Variants in CA8 observed in about 807,000 individuals in gnomAD.
CA8 encodes carbonic anhydrase-related protein.
A neutral mutation model predicts 41.4 loss-of-function variants in CA8; 22 were observed. The ratio of observed to expected loss-of-function variants is 0.53; its 90% CI spans 0.38 to 0.76. The LOEUF (loss-of-function observed/expected upper bound fraction) is 0.76. Ranked by LOEUF, CA8 falls within the 30% of genes least tolerant of loss-of-function variation. CA8 has a pLI of 0.00. For missense variants in CA8, 270 were observed against 352.8 expected (o/e 0.77, Z 1.88); for synonymous variants, 121 against 130.6 (o/e 0.93, Z 0.50).
intron 8 of CA8, 131 bp downstream of exon 8, chr8:60,208,619 G>T: frequency 1.3e-6 from 1 of 771,866 alleles, no homozygotes; most frequent in Non-Finnish European, 2.2e-6. Context: ...TCAAGAATGT[G>T]TCATAAATTT....
Position 60,188,850 on chromosome 8 carries a change from C to G in CA8, c.*1171G>C, listed in dbSNP as rs1418174119. ...CCATTATTACCGTCTCTACTCAACA[C>G]ATCTAAAAACTCTGAACATATACTT... On this transcript the variant is annotated 3_prime_UTR_variant, in exon 9 of 9. Transcript: ENST00000317995. 6.6e-6 allele frequency: 1 copy of G among 152,184 alleles called. No individual in the cohort carries two copies. The highest frequency in any genetic ancestry group is 2.4e-5 in the African/African-American group (1 of 41,442). The allele number at this position is 152,184 out of a possible 1,614,324, so 9.4% of individuals were successfully genotyped here. A position where few individuals can be genotyped will look rare whatever the true frequency, so the allele number is the denominator to read the frequency against.
At chr8:60,245,840 C>A (rs1808212685) in intron 3 of CA8, among the ~76,000 whole-genome samples, 1 of 152,192 alleles carries the variant, frequency 6.6e-6, no homozygotes. Flanking sequence ...GGAAATTTTA[C>A]CTGTGTTTAC....
At chr8:60,247,409 G>A (rs756319966) in intron 3 of CA8, among the ~76,000 whole-genome samples, 38 of 152,012 alleles carry the variant, frequency 2.5e-4, no homozygotes, top group Middle Eastern at 3.4e-3. Flanking sequence ...CTCCCCTTCC[G>A]CTCCACCCCC....
At chr8:60,236,008 G>A (rs1341948516) in intron 3 of CA8, among the ~76,000 whole-genome samples, 1 of 152,168 alleles carries the variant, frequency 6.6e-6, no homozygotes, top group Non-Finnish European at 1.5e-5. Context: ...AACTATGACA[G>A]GAGTGCAGGA....
intron 3 of CA8, among the ~76,000 whole-genome samples, chr8:60,262,196 A>G (rs1233067993): frequency 1.3e-5 from 2 of 152,188 alleles, no homozygotes. Context: ...ACACACATAG[A>G]ATATACAGCC....
intron 8 of CA8, among the ~76,000 whole-genome samples, chr8:60,206,849 C>T (rs1242797654): frequency 1.3e-5 from 2 of 152,136 alleles, no homozygotes; most frequent in African/African-American, 4.8e-5. Context: ...GCTCCAGCTC[C>T]TCCCAGAAGC....
chr8:60,254,837 C>G (rs1381201857), intron 3 of CA8, among the ~76,000 whole-genome samples: 1 of 152,162 alleles, frequency 6.6e-6, no homozygotes, highest in African/African-American at 2.4e-5. Context: ...GTTTACCAAA[C>G]CCTACTGCTA....
intron 3 of CA8, among the ~76,000 whole-genome samples, chr8:60,236,837 G>T (rs1369540631): frequency 6.6e-6 from 1 of 152,124 alleles, no homozygotes; most frequent in Non-Finnish European, 1.5e-5. Flanking sequence ...TTGTTCTAAT[G>T]CAGTGGTTAA....
At chr8:60,243,374 C>G (rs1808109199) in intron 3 of CA8, among the ~76,000 whole-genome samples, 1 of 151,572 alleles carries the variant, frequency 6.6e-6, no homozygotes, top group Non-Finnish European at 1.5e-5. Context: ...CCTTTAACCT[C>G]TCTCCCCTTA....
intron 4 of CA8, among the ~76,000 whole-genome samples, chr8:60,230,673 C>G (rs1348643742): frequency 6.6e-6 from 1 of 151,976 alleles, no homozygotes; most frequent in African/African-American, 2.4e-5. Flanking sequence ...AATTTGCACA[C>G]AGATAACCTG....
intron 3 of CA8, among the ~76,000 whole-genome samples, chr8:60,262,602 C>T (rs1168380721): frequency 6.6e-6 from 1 of 152,200 alleles, no homozygotes; most frequent in African/African-American, 2.4e-5. Context: ...AATATAGTCC[C>T]AGCTACTCAG....
At chr8:60,223,395 C>T (rs1339006835) in intron 6 of CA8, among the ~76,000 whole-genome samples, 3 of 152,168 alleles carry the variant, frequency 2.0e-5, no homozygotes, top group South Asian at 4.1e-4. Context: ...TGGGCTCAAG[C>T]GATCATCTCA....
intron 8 of CA8, among the ~76,000 whole-genome samples, chr8:60,201,190 G>GT (rs1281588004): frequency 6.6e-6 from 1 of 152,180 alleles, no homozygotes. Flanking sequence ...ATTCAATATT[G>GT]TATATGTTGA....
At chr8:60,260,361 T>C (rs951285493) in intron 3 of CA8, among the ~76,000 whole-genome samples, 1 of 152,162 alleles carries the variant, frequency 6.6e-6, no homozygotes, top group Non-Finnish European at 1.5e-5. Context: ...CCACTCTAAC[T>C]TCACAGCCTG....
At chr8:60,271,504 T>C (rs1025708121) in intron 2 of CA8, among the ~76,000 whole-genome samples, 5 of 152,200 alleles carry the variant, frequency 3.3e-5, no homozygotes, top group Admixed American at 1.3e-4. Context: ...AGAAACACTG[T>C]TAAAAAGTTG....
At chr8:60,257,293 C>G (rs1808673454) in intron 3 of CA8, among the ~76,000 whole-genome samples, 1 of 152,136 alleles carries the variant, frequency 6.6e-6, no homozygotes, top group African/African-American at 2.4e-5. Flanking sequence ...AAGCTTTTTG[C>G]ATCCCCCTCA....
intron 8 of CA8, among the ~76,000 whole-genome samples, chr8:60,198,165 A>G (rs1322418374): frequency 6.6e-6 from 1 of 152,136 alleles, no homozygotes; most frequent in Non-Finnish European, 1.5e-5. Context: ...CTTAGGTCTG[A>G]ATTCTTGCTC....
intron 3 of CA8, among the ~76,000 whole-genome samples, chr8:60,263,855 C>T (rs1287662487): frequency 1.3e-5 from 2 of 152,216 alleles, no homozygotes; most frequent in African/African-American, 4.8e-5. Flanking sequence ...TTCTGCATAA[C>T]CACAGCATTT....
At chr8:60,198,376 A>AGAAT (rs1258123398) in intron 8 of CA8, among the ~76,000 whole-genome samples, 2 of 151,942 alleles carry the variant, frequency 1.3e-5, no homozygotes, top group Non-Finnish European at 2.9e-5. Context: ...TGTGTAACTT[A>AGAAT]GAATGAATAA....
Sources: gnomAD v4.1 joint callset for allele counts (sites outside exome capture counted in the v4.1 genomes callset) on GRCh38, gnomAD v4.1.1 for gene constraint, MANE v1.5 for transcripts, NCBI Gene and HGNC (gene_info 2026-07-23, HGNC 2026-07-21) for gene names.